IGLL1: variants seen among roughly 807,000 people sequenced by gnomAD.
The protein encoded by IGLL1 is immunoglobulin lambda-like polypeptide 1.
Under a neutral mutation model 10.5 loss-of-function variants are expected in IGLL1, and 10 were observed. That is an observed-to-expected ratio of 0.95 (90% CI 0.59 to 1.62). The LOEUF is 1.62. Among genes scored for constraint, IGLL1 ranks in the 40% most tolerant of loss-of-function variants. The probability of loss-of-function intolerance (pLI) is 0.00; values close to 1 mark genes in which losing one functional copy is unlikely to be tolerated. For synonymous variants in IGLL1, 141 were observed against 122.7 expected, an observed-to-expected ratio of 1.15 and a Z score of -0.99; for missense variants, 284 against 278.7, an observed-to-expected ratio of 1.02 and a Z score of -0.14.
intron 1 of IGLL1, among the ~76,000 whole-genome samples, chr22:23,579,608 G>A (rs1051037700): frequency 2.6e-5 from 4 of 151,624 alleles, no homozygotes; most frequent in African/African-American, 9.7e-5. Flanking sequence ...AGGAGGAGTG[G>A]GAGGAGGAGG....
At chr22:23,579,688 G>A (rs1290684449) in intron 1 of IGLL1, among the ~76,000 whole-genome samples, 1 of 152,126 alleles carries the variant, frequency 6.6e-6, no homozygotes, top group Non-Finnish European at 1.5e-5. Flanking sequence ...CCTGCCTCCA[G>A]TCCTGCCCTA....
In IGLL1 at chr22:23,573,570, G is replaced by T. The variant is rs765704270; in HGVS notation, c.338C>A (p.Thr113Asn). The T allele has an allele frequency of 9.3e-6, 15 of 1,613,730 alleles. No homozygotes were observed. The highest frequency in any genetic ancestry group is 1.2e-5 in the Non-Finnish European group (14 of 1,179,788). Residue 113 changes from threonine to asparagine, a missense_variant, in exon 3 of 3, where the codon ACC becomes AAC. Transcript: ENST00000330377. ...QLTVLSQPKA[T>N]PSVTLFPPSS... Reference sequence around the variant, plus strand: ...CGGCGGGAACAGAGTGACCGAGGGGGTGGCCTTGGGCTGACCTGTGTGGAC... The same window carrying T: ...CGGCGGGAACAGAGTGACCGAGGGGTTGGCCTTGGGCTGACCTGTGTGGAC...
intron 1 of IGLL1, among the ~76,000 whole-genome samples, chr22:23,579,454 G>A (rs1466078733): frequency 6.6e-6 from 1 of 152,174 alleles, no homozygotes; most frequent in Non-Finnish European, 1.5e-5. Context: ...GGTTTCAGGA[G>A]GCGATGCTGG....
intron 2 of IGLL1, among the ~76,000 whole-genome samples, chr22:23,574,477 A>C (rs1421267589): frequency 1.3e-5 from 2 of 151,962 alleles, no homozygotes; most frequent in African/African-American, 4.8e-5. Context: ...AGCAGAGGCC[A>C]CAGAGCTGCA....
chr22:23,573,200 G>A lies in IGLL1; in HGVS notation c.*66C>T. 10 of 1,502,190 alleles carry A rather than the reference G, an allele frequency of 6.7e-6. No homozygotes were observed. The highest frequency in any genetic ancestry group is 9.3e-6 in the Non-Finnish European group (10 of 1,079,472). 93.1% of individuals were successfully genotyped at this position (1,502,190 alleles called of 1,614,324 possible). A position where few individuals can be genotyped will look rare whatever the true frequency, so the allele number is the denominator to read the frequency against. ...GAAGGGCTGGATGGCTTGGGATGCA[G>A]AGAGAGACCCTTCCCCTGGGATCCT... On this transcript the variant is annotated 3_prime_UTR_variant, in exon 3 of 3. Coordinates refer to ENST00000330377, the MANE Select transcript of IGLL1 (RefSeq NM_020070.4).
chr22:23,578,017 G>A (rs900669420), intron 1 of IGLL1, among the ~76,000 whole-genome samples: 31 of 151,928 alleles, frequency 2.0e-4, no homozygotes, highest in African/African-American at 7.5e-4. Context: ...CCGAGTAGCT[G>A]GGACTATAGG....
rs201907837 is a variant in IGLL1 at position 23,575,066 on chromosome 22, C to T, written c.223G>A (p.Gly75Ser). 211 of 1,613,754 alleles carry T rather than the reference C, an allele frequency of 1.3e-4. 2 individuals carry two copies. The East Asian group carries it at 3.6e-3, about 27-fold the overall frequency. The stretch of plus-strand genomic sequence containing the variant: ...CAGCACCTGGGGCCAGTCCAGGAGC[C>T]GCGCTGGAGCAGGAACCTGCTGGGA... ...SRWGRFLLQR[G>S]SWTGPRCWPR... The change falls in exon 2 of 3, where the codon GGC (glycine) becomes AGC (serine). Residue 75 changes from glycine to serine, a missense_variant. By Grantham distance (56) the Gly-to-Ser change is moderately conservative (BLOSUM62 0). Coordinates refer to ENST00000330377, the MANE Select transcript of IGLL1 (RefSeq NM_020070.4).
At chr22:23,579,278 T>C (rs1925216237) in intron 1 of IGLL1, among the ~76,000 whole-genome samples, 1 of 152,038 alleles carries the variant, frequency 6.6e-6, no homozygotes, top group African/African-American at 2.4e-5. Context: ...CAAATGCTCA[T>C]AAATGGACCC....
At chr22:23,577,889 CT>C (rs131420) in intron 1 of IGLL1, among the ~76,000 whole-genome samples, 250 of 138,192 alleles carry the variant, frequency 1.8e-3, no homozygotes, top group Non-Finnish European at 1.7e-3. Context: ...AGCATAATAC[CT>C]TTTTTTTTTT....
intron 1 of IGLL1, among the ~76,000 whole-genome samples, chr22:23,575,571 C>T (rs964623508): frequency 1.3e-5 from 2 of 152,168 alleles, no homozygotes; most frequent in African/African-American, 4.8e-5. Context: ...TCCGTCCATC[C>T]ATCTGTCCAT....
At chr22:23,575,443 A>G (rs1298086953) in intron 1 of IGLL1, among the ~76,000 whole-genome samples, 3 of 152,166 alleles carry the variant, frequency 2.0e-5, no homozygotes, top group African/African-American at 7.2e-5. Flanking sequence ...TCCCTGGACC[A>G]GGACATTGGG....
intron 1 of IGLL1, among the ~76,000 whole-genome samples, chr22:23,579,696 C>A (rs1488171457): frequency 6.6e-6 from 1 of 152,050 alleles, no homozygotes; most frequent in Non-Finnish European, 1.5e-5. Flanking sequence ...CAGTCCTGCC[C>A]TACCCCAAGG....
Position 23,580,102 on chromosome 22 carries a change from C to T in IGLL1, c.89G>A (p.Gly30Asp). The change falls in exon 1 of 3, where the codon GGT becomes GAT. Residue 30 changes from glycine to aspartate, a missense_variant. Physicochemically the swap from Gly to Asp is moderately conservative, Grantham distance 94. Coordinates refer to ENST00000330377, the MANE Select transcript of IGLL1 (RefSeq NM_020070.4). ...LRQRWPLLLL[G>D]LAVVTHGLLR... ...CAGGCCATGGGTTACCACGGCCAGA[C>T]CCAGCAGCAGCAGGGGCCAGCGCTG... 2 of 1,570,824 alleles carry T rather than the reference C, an allele frequency of 1.3e-6. No individual in the cohort carries two copies. The highest frequency in any genetic ancestry group is 1.7e-6 in the Non-Finnish European group (2 of 1,160,614).
At chr22:23,576,196 C>G (rs1925051450) in intron 1 of IGLL1, among the ~76,000 whole-genome samples, 2 of 152,040 alleles carry the variant, frequency 1.3e-5, no homozygotes, top group African/African-American at 4.8e-5. Flanking sequence ...CTCAACCCCT[C>G]AGCCAGAAAC....
chr22:23,574,789 G>T (rs570971521), intron 2 of IGLL1, among the ~76,000 whole-genome samples, 178 bp downstream of exon 2: 2 of 152,238 alleles, frequency 1.3e-5, no homozygotes, highest in Admixed American at 1.3e-4. Context: ...TGCTCCCACT[G>T]TGGGGGCCCT....
chr22:23,579,321 C>T (rs1010642623), intron 1 of IGLL1, among the ~76,000 whole-genome samples: 4 of 152,188 alleles, frequency 2.6e-5, no homozygotes, highest in Non-Finnish European at 5.9e-5. Context: ...GGACCTCCCA[C>T]CACACGCAGA....
chr22:23,573,254 G>A lies in IGLL1; in HGVS notation c.*12C>T, dbSNP rs370845303. On this transcript the variant is annotated 3_prime_UTR_variant, in exon 3 of 3. Transcript: ENST00000330377. ...GCTCCAGGCCCCTTTGGGTGGGGTC[G>A]GGGCTGGGAACCTATGAACATTCTG... 1.0e-4 allele frequency: 165 copies of A among 1,613,522 alleles called. 2 individuals carry two copies. The African/African-American group carries it at 1.9e-3, about 18-fold the overall frequency.
At chr22:23,579,062 T>C (rs1925201883) in intron 1 of IGLL1, among the ~76,000 whole-genome samples, 1 of 151,962 alleles carries the variant, frequency 6.6e-6, no homozygotes, top group South Asian at 2.1e-4. Flanking sequence ...AGGGGAGAGC[T>C]AGAGGGGATA....
chr22:23,574,936 T>A (rs550224396), intron 2 of IGLL1, 31 bp downstream of exon 2: 1 of 1,416,386 alleles, frequency 7.1e-7, no homozygotes, highest in Admixed American at 1.7e-5. Context: ...CAGGAGAGGG[T>A]GGGACAGCCT....
Sources: allele counts gnomAD v4.1 joint callset (sites outside exome capture counted in the v4.1 genomes callset), GRCh38; gene constraint gnomAD v4.1.1; transcripts MANE v1.5; gene names NCBI Gene and HGNC (gene_info 2026-07-23, HGNC 2026-07-21).